Variants in PDIA5 observed in about 807,000 individuals in gnomAD.
The protein encoded by PDIA5 is protein disulfide isomerase family A member 5.
A neutral mutation model predicts 77.6 loss-of-function variants in PDIA5; 58 were observed. The ratio of observed to expected loss-of-function variants is 0.75; its 90% CI spans 0.61 to 0.93. PDIA5 has a LOEUF of 0.93. Among genes scored for constraint, PDIA5 ranks in the 40% least tolerant of loss-of-function variants. PDIA5 has a pLI of 0.00. For missense variants in PDIA5, 630 were observed against 647.7 expected, an observed-to-expected ratio of 0.97 and a Z score of 0.30; for synonymous variants, 250 against 252.1, an observed-to-expected ratio of 0.99 and a Z score of 0.08.
chr3:123,161,493 C>A, intron 16 of PDIA5, 38 bp downstream of exon 16: 1 of 1,599,310 alleles, frequency 6.3e-7, no homozygotes, highest in South Asian at 1.1e-5. Flanking sequence ...AGCTCTCTCT[C>A]TGCTGATGGG....
chr3:123,084,853 C>A (rs1298367328), intron 1 of PDIA5, among the ~76,000 whole-genome samples: 2 of 152,212 alleles, frequency 1.3e-5, no homozygotes, highest in African/African-American at 4.8e-5. Context: ...CAGGGCCCTC[C>A]ACCTCCGGCC....
chr3:123,077,800 A>T (rs965273020), intron 1 of PDIA5, among the ~76,000 whole-genome samples: 1 of 151,096 alleles, frequency 6.6e-6, no homozygotes, highest in Non-Finnish European at 1.5e-5. Context: ...TGCATATTTT[A>T]AAATTAATGT....
At chr3:123,112,015 C>T (rs143293165) in intron 7 of PDIA5, among the ~76,000 whole-genome samples, 8 of 152,170 alleles carry the variant, frequency 5.3e-5, no homozygotes, top group South Asian at 2.1e-4. Flanking sequence ...ATGTGGTGTC[C>T]GTGGGCGCTT....
intron 13 of PDIA5, among the ~76,000 whole-genome samples, chr3:123,148,177 G>A (rs1384126938): frequency 6.6e-6 from 1 of 152,182 alleles, no homozygotes; most frequent in East Asian, 1.9e-4. Flanking sequence ...CTATCTGTAA[G>A]ATGGAGACAG....
chr3:123,162,100 A>G lies in PDIA5; in HGVS notation c.*140A>G. ...TACAATTTTGAAATAAAATTAAACCATTTATTTGGTGGTATGGTTTATTTT... is the reference window on the plus strand; with the variant it reads ...TACAATTTTGAAATAAAATTAAACCGTTTATTTGGTGGTATGGTTTATTTT... On this transcript the variant is annotated 3_prime_UTR_variant, in exon 17 of 17. Coordinates refer to ENST00000316218, the MANE Select transcript of PDIA5 (RefSeq NM_006810.4). The G allele has an allele frequency of 3.1e-6, 2 of 652,480 alleles. No individual in the cohort carries two copies. Among genetic ancestry groups the G allele is most frequent in the South Asian group, 1.9e-5 (1 of 53,720 alleles). The allele number at this position is 652,480 out of a possible 1,614,324, so 40.4% of individuals were successfully genotyped here. A position where few individuals can be genotyped will look rare whatever the true frequency, so the allele number is the denominator to read the frequency against.
chr3:123,139,544 A>C (rs903111518), intron 11 of PDIA5, among the ~76,000 whole-genome samples: 12 of 152,192 alleles, frequency 7.9e-5, no homozygotes, highest in Admixed American at 6.5e-4. Context: ...GGGAAACTTT[A>C]GAACAGCATC....
At chr3:123,145,995 C>A in intron 12 of PDIA5, 104 bp from the exon 13 acceptor site, 2 of 1,079,750 alleles carry the variant, frequency 1.9e-6, no homozygotes, top group Non-Finnish European at 1.4e-6. Flanking sequence ...CAGTTAAATT[C>A]CAGCAGGTCC....
chr3:123,102,451 G>A lies in PDIA5; in HGVS notation c.298G>A (p.Asp100Asn). The change falls in exon 4 of 17, where the codon GAC becomes AAC. Residue 100 changes from aspartate to asparagine, a missense_variant. Physicochemically the swap from Asp to Asn is conservative, Grantham distance 23. Coordinates refer to ENST00000316218, the MANE Select transcript of PDIA5 (RefSeq NM_006810.4). ...SRKLCKKMKV[D>N]LSPKDKKVEL... ...AAAATTGTGCAAGAAGATGAAAGTT[G>A]ACCTGAGCCCGAAGGACAAAAAGGT... 6.2e-7 allele frequency: 1 copy of A among 1,614,126 alleles called. No homozygotes were observed. Among genetic ancestry groups the A allele is most frequent in the Non-Finnish European group, 8.5e-7 (1 of 1,179,972 alleles).
At position 123,150,254 on chromosome 3, in the gene PDIA5, C is replaced by T; in HGVS notation, c.1163C>T (p.Pro388Leu). 6.2e-7 allele frequency: 1 copy of T among 1,613,610 alleles called. No homozygotes were observed. Among genetic ancestry groups the T allele is most frequent in the Non-Finnish European group, 8.5e-7 (1 of 1,179,620 alleles). ...WMQNPEAPPP[P>L]EPTWEEQQTS... ...TGCAGCCCTGAGGCCCCCCCGCCCC[C>T]AGAGCCCACGTGGGAAGAGCAGCAG... Residue 388 changes from proline (P) to leucine (L), a missense_variant, in exon 14 of 17, where the codon CCA (proline) becomes CTA (leucine). Coordinates refer to ENST00000316218, the MANE Select transcript of PDIA5 (RefSeq NM_006810.4).
chr3:123,130,427 G>A (rs1935344877), intron 10 of PDIA5, 53 bp from the exon 11 acceptor site: 1 of 1,555,260 alleles, frequency 6.4e-7, no homozygotes, highest in Non-Finnish European at 8.7e-7. Context: ...AATTAGAAGG[G>A]CTGCCAAGGC....
Position 123,089,279 on chromosome 3 carries a change from C to A in PDIA5, c.154C>A (p.Leu52Ile), listed in dbSNP as rs1328853867. ...LLRTRNNVLV[L>I]YSKSEVAAEN... is the part of the protein sequence containing the mutation. Reference sequence around the variant, plus strand: ...CAGAACCCGGAATAATGTACTGGTGCTTTACTCCAAATCTGGTGAGTGTCC... The same window carrying A: ...CAGAACCCGGAATAATGTACTGGTGATTTACTCCAAATCTGGTGAGTGTCC... The change falls in exon 2 of 17, where the codon CTT (leucine) becomes ATT (isoleucine). Residue 52 changes from leucine to isoleucine, a missense_variant. Physicochemically the swap from Leu to Ile is conservative, Grantham distance 5. Coordinates refer to ENST00000316218, the MANE Select transcript of PDIA5 (RefSeq NM_006810.4). 6.2e-7 allele frequency: 1 copy of A among 1,614,006 alleles called. No individual in the cohort carries two copies. The highest frequency in any genetic ancestry group is 1.7e-5 in the Admixed American group (1 of 60,010).
chr3:123,161,797 G>T (rs1457097032), intron 16 of PDIA5, 83 bp from the exon 17 acceptor site: 2 of 910,242 alleles, frequency 2.2e-6, no homozygotes, highest in Admixed American at 2.0e-5. Flanking sequence ...CCCTGGAGGG[G>T]CTGGGGGTGT....
intron 15 of PDIA5, among the ~76,000 whole-genome samples, chr3:123,155,404 G>A (rs944285189): frequency 5.3e-5 from 8 of 152,236 alleles, no homozygotes; most frequent in African/African-American, 1.9e-4. Flanking sequence ...ACTGGAGGAT[G>A]CCATGGTGGA....
At chr3:123,079,434 C>G (rs1321656467) in intron 1 of PDIA5, among the ~76,000 whole-genome samples, 1 of 152,184 alleles carries the variant, frequency 6.6e-6, no homozygotes. Context: ...CCCACCTCGG[C>G]CTCCCAAAGT....
At chr3:123,113,842 T>A (rs1389545379) in intron 7 of PDIA5, among the ~76,000 whole-genome samples, 1 of 152,206 alleles carries the variant, frequency 6.6e-6, no homozygotes, top group Non-Finnish European at 1.5e-5. Context: ...AGGAAATGTT[T>A]GCTCACTGAA....
At chr3:123,080,699 C>T (rs1347545978) in intron 1 of PDIA5, among the ~76,000 whole-genome samples, 2 of 152,182 alleles carry the variant, frequency 1.3e-5, no homozygotes, top group Admixed American at 6.5e-5. Flanking sequence ...CCAGTTGGAA[C>T]AGATGTTTGT....
intron 7 of PDIA5, among the ~76,000 whole-genome samples, chr3:123,114,241 C>T (rs1406984439): frequency 1.3e-5 from 2 of 152,332 alleles, no homozygotes; most frequent in Admixed American, 1.3e-4. Context: ...GGGGGTCAGA[C>T]TGAAGTCACT....
intron 1 of PDIA5, among the ~76,000 whole-genome samples, chr3:123,073,773 G>A (rs370207253): frequency 1.3e-5 from 2 of 152,222 alleles, no homozygotes; most frequent in Non-Finnish European, 2.9e-5. Flanking sequence ...GGGCGCAAGG[G>A]TGGAGTGTCC....
At chr3:123,120,102 C>T (rs1935075468) in intron 8 of PDIA5, among the ~76,000 whole-genome samples, 1 of 152,238 alleles carries the variant, frequency 6.6e-6, no homozygotes, top group African/African-American at 2.4e-5. Context: ...GCCCTGTCTC[C>T]ATCTGCCTCT....
Sources: gnomAD v4.1 joint callset for allele counts (sites outside exome capture counted in the v4.1 genomes callset) on GRCh38, gnomAD v4.1.1 for gene constraint, MANE v1.5 for transcripts, NCBI Gene and HGNC (gene_info 2026-07-23, HGNC 2026-07-21) for gene names.